The following EYA1 variants were observed in gnomAD, a reference collection of about 807,000 sequenced individuals.
The protein encoded by EYA1 is EYA transcriptional coactivator and phosphatase 1, also known as protein phosphatase EYA1.
In EYA1, 16 loss-of-function variants were observed where a neutral mutation model predicts 82.0. That is an observed-to-expected ratio of 0.20 (90% confidence interval 0.13 to 0.30). The LOEUF (loss-of-function observed/expected upper bound fraction) is 0.30, where lower values mean the gene tolerates loss of function less well. Ranked by LOEUF, EYA1 falls within the 10% of genes least tolerant of loss-of-function variation. The probability of loss-of-function intolerance (pLI) is 1.00; values close to 1 mark genes in which losing one functional copy is unlikely to be tolerated. For missense variants in EYA1, 633 were observed against 730.7 expected (o/e 0.87, Z 1.54); for synonymous variants, 261 against 264.4 (o/e 0.99, Z 0.12).
At chr8:71,319,439 TA>T (rs1434158239) in intron 6 of EYA1, among the ~76,000 whole-genome samples, 1 of 152,146 alleles carries the variant, frequency 6.6e-6, no homozygotes, top group Non-Finnish European at 1.5e-5. Context: ...CTAAGTCATG[TA>T]TTTTTATTCT....
chr8:71,235,805 C>T (rs1169297676), intron 12 of EYA1, among the ~76,000 whole-genome samples: 5 of 152,094 alleles, frequency 3.3e-5, no homozygotes, highest in East Asian at 1.9e-4. Context: ...GATAGCATGT[C>T]GGTTCTGAAA....
chr8:71,361,254 A>G (rs1288554397), intron 1 of EYA1, among the ~76,000 whole-genome samples: 1 of 152,234 alleles, frequency 6.6e-6, no homozygotes, highest in Non-Finnish European at 1.5e-5. Flanking sequence ...CAATGAACAT[A>G]TATGTACCGC....
chr8:71,440,415 G>A (rs1257322950), intron 2 of EYA1, among the ~76,000 whole-genome samples: 1 of 152,148 alleles, frequency 6.6e-6, no homozygotes, highest in African/African-American at 2.4e-5. Context: ...AAGACAAGAG[G>A]TGCAATCAAG....
chr8:71,255,218 T>C (rs1290215021), intron 11 of EYA1, among the ~76,000 whole-genome samples: 2 of 152,152 alleles, frequency 1.3e-5, no homozygotes, highest in African/African-American at 2.4e-5. Context: ...AAATCCCCAA[T>C]AGTATTTTTT....
intron 17 of EYA1, among the ~76,000 whole-genome samples, chr8:71,208,405 C>A (rs1034306285): frequency 1.3e-5 from 2 of 152,030 alleles, no homozygotes; most frequent in Non-Finnish European, 2.9e-5. Flanking sequence ...GCACTCCAGC[C>A]TGGGTGACGG....
At chr8:71,491,700 G>A (rs1438685615) in intron 2 of EYA1, among the ~76,000 whole-genome samples, 1 of 152,154 alleles carries the variant, frequency 6.6e-6, no homozygotes, top group African/African-American at 2.4e-5. Flanking sequence ...TCCAGTCTGT[G>A]GCAGTATTAT....
At chr8:71,384,592 GC>G (rs1828877580) in intron 2 of EYA1, among the ~76,000 whole-genome samples, 1 of 152,214 alleles carries the variant, frequency 6.6e-6, no homozygotes, top group African/African-American at 2.4e-5. Context: ...ACTATGTTCT[GC>G]TTTCACCTTC....
chr8:71,285,104 T>C (rs80035499), intron 9 of EYA1, among the ~76,000 whole-genome samples: 9,361 of 152,272 alleles, frequency 0.061, 371 homozygotes, highest in African/African-American at 0.11. Context: ...TAATGAAACG[T>C]TGACGAACAT....
Position 71,362,059 on chromosome 8 carries a change from T to G in EYA1, c.-467A>C. ...TTCCCCACCAAACAGCAGCGGCAGA[T>G]AGCATCTGAGAACCCTAGACAAAGA... is the stretch of plus-strand genomic sequence containing the variant. On this transcript the variant is annotated 5_prime_UTR_variant, in exon 1 of 18. Transcript: ENST00000340726. The G allele has an allele frequency of 1.0e-6, 1 of 984,860 alleles. No homozygotes were observed. The highest frequency in any genetic ancestry group is 1.2e-6 in the Non-Finnish European group (1 of 829,934). The allele number at this position is 984,860 out of a possible 1,614,324, so 61.0% of individuals were successfully genotyped here.
intron 12 of EYA1, among the ~76,000 whole-genome samples, chr8:71,217,830 C>T (rs1488005436): frequency 6.6e-6 from 1 of 152,114 alleles, no homozygotes; most frequent in Non-Finnish European, 1.5e-5. Context: ...AATAGGAAGC[C>T]ATGCTTACAG....
chr8:71,533,923 G>A (rs1307025276), intron 2 of EYA1, among the ~76,000 whole-genome samples: 2 of 152,144 alleles, frequency 1.3e-5, no homozygotes, highest in African/African-American at 4.8e-5. Flanking sequence ...AATAAAAACA[G>A]GACAAAATGA....
At position 71,230,419 on chromosome 8, in the gene EYA1, T is replaced by C. The variant is rs569967481; in HGVS notation, c.1141-13396A>G. Among the ~76,000 whole-genome samples the C allele has an allele frequency of 9.2e-5, 14 of 152,290 alleles. No homozygotes were observed. In the South Asian group the frequency reaches 2.3e-3, roughly 25 times the overall value. On this transcript the variant is annotated intron_variant, in intron 12 of 17. Transcript: ENST00000340726. The stretch of plus-strand genomic sequence containing the variant: ...CCAGCAGACTGTGTGAGTGCTGAAG[T>C]GGTATTTCCATTCAACAAGAAAGGA...
intron 2 of EYA1, among the ~76,000 whole-genome samples, chr8:71,375,695 C>G (rs1420266464): frequency 6.6e-6 from 1 of 152,050 alleles, no homozygotes; most frequent in Non-Finnish European, 1.5e-5. Context: ...GTGGCGTGAT[C>G]TCGGCTCACT....
At chr8:71,488,442 A>G (rs1810735754) in intron 2 of EYA1, among the ~76,000 whole-genome samples, 1 of 152,240 alleles carries the variant, frequency 6.6e-6, no homozygotes, top group Non-Finnish European at 1.5e-5. Context: ...TAGAACAGGG[A>G]TGAATCTAGC....
rs190619934 is a variant in EYA1 at position 71,454,420 on chromosome 8, C to A, written c.33+81324G>T. The stretch of plus-strand genomic sequence containing the variant: ...TGAACTCAGTTCTGCACCAAGCGGA[C>A]TTAATAGACATCTACAGAACTCTCC... On this transcript the variant is annotated intron_variant, in intron 2 of 18. Transcript: ENST00000643681. 1.9e-3 allele frequency among the ~76,000 whole-genome samples: 287 copies of A among 152,268 alleles called. 4 individuals are homozygous for A. Among genetic ancestry groups the A allele is most frequent in the Non-Finnish European group, 6.6e-4 (45 of 68,020 alleles).
At chr8:71,498,768 A>G (rs1396850912) in intron 2 of EYA1, among the ~76,000 whole-genome samples, 1 of 152,200 alleles carries the variant, frequency 6.6e-6, no homozygotes, top group Non-Finnish European at 1.5e-5. Flanking sequence ...ATGTAGAGAT[A>G]GGACCCTGGA....
chr8:71,462,256 C>T lies in EYA1; in HGVS notation c.33+73488G>A, dbSNP rs115592543. ...GTCCTCAGCACCCAGTTGGTTTTCC[C>T]CACCAGGCTTATCAGTGCCCAATGT... On this transcript the variant is annotated intron_variant, in intron 2 of 18. Coordinates refer to the EYA1 transcript ENST00000643681. 3.0e-3 allele frequency among the ~76,000 whole-genome samples: 461 copies of T among 152,308 alleles called. 3 individuals carry two copies. Among genetic ancestry groups the T allele is most frequent in the African/African-American group, 0.011 (437 of 41,558 alleles).
intron 2 of EYA1, among the ~76,000 whole-genome samples, chr8:71,399,396 G>A (rs558279356): frequency 1.5e-4 from 23 of 152,218 alleles, no homozygotes; most frequent in Non-Finnish European, 2.8e-4. Context: ...GTTCCTACTC[G>A]GCTATCTTGG....
At chr8:71,331,519 TA>T (rs1286766684) in intron 4 of EYA1, among the ~76,000 whole-genome samples, 1 of 149,540 alleles carries the variant, frequency 6.7e-6, no homozygotes, top group Non-Finnish European at 1.5e-5. Flanking sequence ...ATATATAATG[TA>T]AAAATTTTGA....
Sources: allele counts gnomAD v4.1 joint callset (sites outside exome capture counted in the v4.1 genomes callset), GRCh38; gene constraint gnomAD v4.1.1; transcripts MANE v1.5; gene names NCBI Gene and HGNC (gene_info 2026-07-23, HGNC 2026-07-21).